The following VPS54 variants were observed in gnomAD, a reference collection of about 807,000 sequenced individuals.
VPS54 encodes the protein VPS54 subunit of GARP complex.
A neutral mutation model predicts 121.5 loss-of-function variants in VPS54; 45 were observed. The ratio of observed to expected loss-of-function variants is 0.37; its 90% confidence interval spans 0.29 to 0.47. VPS54 has a LOEUF of 0.47. VPS54 is among the 20% of genes least tolerant of loss of function. The pLI is 0.99. For synonymous variants in VPS54, 371 were observed against 385.8 expected, an observed-to-expected ratio of 0.96 and a Z score of 0.45; for missense variants, 1,090 against 1,131.4, an observed-to-expected ratio of 0.96 and a Z score of 0.52.
At chr2:63,902,606 A>G (rs1672726646) in intron 20 of VPS54, among the ~76,000 whole-genome samples, 1 of 152,240 alleles carries the variant, frequency 6.6e-6, no homozygotes, top group Non-Finnish European at 1.5e-5. Flanking sequence ...ACTGTCAAGA[A>G]ATAAAGCAAC....
Position 63,912,571 on chromosome 2 carries a change from C to T in VPS54, c.2513G>A (p.Ser838Asn). ...GATATGATCAAAATGCCTAAGCATG[C>T]TATATTGCTTAGGTGGTAGTCGAGC... is the stretch of plus-strand genomic sequence containing the variant. Reference protein sequence around the residue: ...FEARLPPKQYSMLRHFDHITK... With the variant: ...FEARLPPKQYNMLRHFDHITK... The change falls in exon 19 of 23, where the codon AGC becomes AAC. Residue 838 changes from serine (S) to asparagine (N), a missense_variant. Physicochemically the swap from Ser to Asn is conservative, Grantham distance 46. This residue lies in a region of VPS54 where 289 missense variants were observed against 374.4 expected (regional missense o/e 0.77). Transcript: ENST00000272322. 3 of 1,609,308 alleles carry T rather than the reference C, an allele frequency of 1.9e-6. No homozygotes were observed. The highest frequency in any genetic ancestry group is 1.7e-6 in the Non-Finnish European group (2 of 1,178,856).
At chr2:63,948,418 T>G (rs1383797325) in intron 8 of VPS54, among the ~76,000 whole-genome samples, 3 of 143,584 alleles carry the variant, frequency 2.1e-5, no homozygotes, top group African/African-American at 8.2e-5. Context: ...TTTTCGGTTT[T>G]TTTTTTTTTT....
At chr2:63,938,218 A>G (rs1674556968) in intron 11 of VPS54, among the ~76,000 whole-genome samples, 1 of 152,008 alleles carries the variant, frequency 6.6e-6, no homozygotes, top group South Asian at 2.1e-4. Context: ...CTCCTGCCTC[A>G]GTCTCTCAAG....
chr2:63,978,913 C>A (rs894909481), intron 3 of VPS54, among the ~76,000 whole-genome samples: 1 of 152,150 alleles, frequency 6.6e-6, no homozygotes, highest in Non-Finnish European at 1.5e-5. Flanking sequence ...AGCCACCATG[C>A]CCAGCCAGAT....
At chr2:63,998,007 T>C (rs546041972) in intron 1 of VPS54, among the ~76,000 whole-genome samples, 1 of 152,186 alleles carries the variant, frequency 6.6e-6, no homozygotes. Context: ...ATTCCTAATA[T>C]TGATTTCTGG....
chr2:63,943,984 G>A (rs1396608971), intron 10 of VPS54, among the ~76,000 whole-genome samples: 1 of 150,824 alleles, frequency 6.6e-6, no homozygotes, highest in South Asian at 2.1e-4. Context: ...CTCCCACCTC[G>A]GCCTCCCAAA....
intron 1 of VPS54, among the ~76,000 whole-genome samples, chr2:64,017,021 TAAAAAAAAAAAA>T (rs777168254): frequency 1.3e-4 from 13 of 100,384 alleles, no homozygotes; most frequent in African/African-American, 3.7e-4. Context: ...TTTTGTTGAT[TAAAAAAAAAAAA>T]AAAAAAAAAA....
intron 1 of VPS54, among the ~76,000 whole-genome samples, chr2:64,017,983 C>G (rs1678788017): frequency 6.6e-6 from 1 of 152,170 alleles, no homozygotes; most frequent in African/African-American, 2.4e-5. Flanking sequence ...CATTTAGGCT[C>G]TGAAGGTGCT....
chr2:63,975,245 C>G (rs1676469720), intron 3 of VPS54: 1 of 449,160 alleles, frequency 2.2e-6, no homozygotes, highest in Non-Finnish European at 4.0e-6. Flanking sequence ...CTCCATCTTG[C>G]TTCTAACCTC....
chr2:63,955,737 T>A (rs1451418234), intron 7 of VPS54, among the ~76,000 whole-genome samples: 2 of 152,056 alleles, frequency 1.3e-5, no homozygotes, highest in Non-Finnish European at 2.9e-5. Context: ...AAATGCAACT[T>A]TCAGAACTAT....
chr2:63,943,729 T>TTCTTTCTTTCTTTC (rs757525233), intron 10 of VPS54, among the ~76,000 whole-genome samples: 1 of 138,244 alleles, frequency 7.2e-6, no homozygotes, highest in Non-Finnish European at 1.6e-5. Context: ...CTTTCTTTCT[T>TTCTTTCTTTCTTTC]TTTTTTTTTT....
At chr2:63,949,450 TTAAC>T (rs1675137835) in intron 7 of VPS54, among the ~76,000 whole-genome samples, 2 of 152,184 alleles carry the variant, frequency 1.3e-5, no homozygotes, top group African/African-American at 2.4e-5. Context: ...CCCCAAAAAT[TTAAC>T]TAATAGCTTA....
At chr2:63,899,076 T>C (rs967033583) in intron 21 of VPS54, among the ~76,000 whole-genome samples, 1 of 152,220 alleles carries the variant, frequency 6.6e-6, no homozygotes, top group African/African-American at 2.4e-5. Context: ...GTTAATCTTA[T>C]TAACTCTATC....
chr2:63,912,778 T>TGAGTTGATTTTAATTA, intron 18 of VPS54, 117 bp from the exon 19 acceptor site: 1 of 1,300,292 alleles, frequency 7.7e-7, no homozygotes, highest in Non-Finnish European at 1.0e-6. Context: ...CCAGTTTATT[T>TGAGTTGATTTTAATTA]CATAAACGAA....
chr2:63,930,433 T>C (rs1674135049), intron 12 of VPS54, among the ~76,000 whole-genome samples: 1 of 152,092 alleles, frequency 6.6e-6, no homozygotes, highest in African/African-American at 2.4e-5. Flanking sequence ...TCTCAATAGA[T>C]GCAGAAAAGG....
chr2:63,933,799 C>G lies in VPS54; in HGVS notation c.1613G>C (p.Arg538Thr). 2 of 1,613,882 alleles carry G rather than the reference C, an allele frequency of 1.2e-6. No homozygotes were observed. Among genetic ancestry groups the G allele is most frequent in the Non-Finnish European group, 1.7e-6 (2 of 1,179,860 alleles). The change falls in exon 12 of 23, where the codon AGA (arginine) becomes ACA (threonine). Residue 538 changes from arginine to threonine, a missense_variant. Transcript: ENST00000272322. ...GGGCTCACTATTTGGAGATGCATTT[C>G]TTTGAGAGGTAGTGTCAACTGCTAT... ...TPIAVDTTSQ[R>T]NASPNSEPCS... is the part of the protein sequence containing the mutation.
chr2:63,978,490 G>A lies in VPS54; in HGVS notation c.378+3156C>T, dbSNP rs549103712. On this transcript the variant is annotated intron_variant, in intron 3 of 22. Coordinates refer to ENST00000272322, the MANE Select transcript of VPS54 (RefSeq NM_016516.3). ...AATTTGAAAGAATGTGTGTAGATTT[G>A]GAATTACTTTTTCTGTAAATGTTTG... 3.4e-4 allele frequency among the ~76,000 whole-genome samples: 51 copies of A among 150,052 alleles called. No homozygotes were observed. In the Middle Eastern group the frequency reaches 0.01, roughly 31 times the overall value.
intron 16 of VPS54, among the ~76,000 whole-genome samples, chr2:63,914,625 C>T (rs748107820): frequency 4.6e-5 from 7 of 152,114 alleles, no homozygotes; most frequent in Non-Finnish European, 1.0e-4. Context: ...GGAGTCGCTT[C>T]AGTAAGACAG....
chr2:63,998,651 T>C (rs564565114), intron 1 of VPS54, among the ~76,000 whole-genome samples: 4 of 152,304 alleles, frequency 2.6e-5, no homozygotes, highest in African/African-American at 9.6e-5. Flanking sequence ...CAATTAACAC[T>C]GCTTGTATAA....
Sources: gnomAD v4.1 joint callset for allele counts (sites outside exome capture counted in the v4.1 genomes callset) on GRCh38, gnomAD v4.1.1 for gene constraint, gnomAD v4.1.1 regional missense constraint, MANE v1.5 for transcripts, NCBI Gene and HGNC (gene_info 2026-07-23, HGNC 2026-07-21) for gene names.